ADGRV1: variants seen among roughly 807,000 people sequenced by gnomAD.
ADGRV1 encodes the protein adhesion G protein-coupled receptor V1, also known as G-protein coupled receptor 98.
ADGRV1 carries 359 observed loss-of-function variants against 596.2 expected under a neutral mutation model. The observed-to-expected ratio is 0.60, with a 90% confidence interval of 0.55 to 0.66. The LOEUF (loss-of-function observed/expected upper bound fraction) is 0.66, where lower values mean the gene tolerates loss of function less well. Among genes scored for constraint, ADGRV1 ranks in the 30% least tolerant of loss-of-function variants. ADGRV1 has a pLI of 0.00. For synonymous variants in ADGRV1, 2,681 were observed against 2,679.2 expected (o/e 1.00, Z -0.02); for missense variants, 7,274 against 7,575.6 (o/e 0.96, Z 1.48).
intron 50 of ADGRV1, among the ~76,000 whole-genome samples, chr5:90,733,671 A>G (rs1752837517): frequency 6.6e-6 from 1 of 152,168 alleles, no homozygotes; most frequent in South Asian, 2.1e-4. Flanking sequence ...TTAATTTACA[A>G]GTTATAATTA....
At chr5:91,018,979 T>C (rs1311285651) in intron 85 of ADGRV1, among the ~76,000 whole-genome samples, 1 of 151,980 alleles carries the variant, frequency 6.6e-6, no homozygotes, top group African/African-American at 2.4e-5. Context: ...GGCAACATAA[T>C]GGCTGGTGGC....
chr5:90,837,748 C>T (rs781508212), intron 77 of ADGRV1, among the ~76,000 whole-genome samples: 7 of 151,846 alleles, frequency 4.6e-5, no homozygotes, highest in South Asian at 2.1e-4. Context: ...ATAAATCCTG[C>T]GAAAAAACAG....
At chr5:90,746,466 A>G (rs779252307) in intron 52 of ADGRV1, among the ~76,000 whole-genome samples, 8 of 152,168 alleles carry the variant, frequency 5.3e-5, no homozygotes, top group Admixed American at 3.3e-4. Context: ...GCTATCATGT[A>G]TCTTTCTCTG....
intron 79 of ADGRV1, 100 bp from the exon 80 acceptor site, chr5:90,853,184 G>A: frequency 8.8e-7 from 1 of 1,139,686 alleles, no homozygotes; most frequent in Non-Finnish European, 1.2e-6. Flanking sequence ...TGTTATACAT[G>A]AAGAATAGAA....
At position 90,940,168 on chromosome 5, in the gene ADGRV1, G is replaced by T. The variant is rs147242843; in HGVS notation, c.17857-25247G>T. 7.2e-5 allele frequency among the ~76,000 whole-genome samples: 11 copies of T among 152,322 alleles called. No individual in the cohort carries two copies. In the East Asian group the frequency reaches 1.5e-3, roughly 21 times the overall value. The stretch of plus-strand genomic sequence containing the variant: ...AAGAACTGCAGTTATTTCAGGCTAA[G>T]AATCTACCTCCCCTCACTGACTGTC... On this transcript the variant is annotated intron_variant, in intron 83 of 89. Transcript: ENST00000405460.
Position 90,596,808 on chromosome 5 carries a change from A to AGAGGGC in ADGRV1, c.23-18015_23-18010dup, listed in dbSNP as rs921379773. ...AGAGAGGGAGAGGGAGACCATGGGG[A>AGAGGGC]GAGGGCGAGGGCGAGGGAGAGGGCG... On this transcript the variant is annotated intron_variant, in intron 1 of 89. Transcript: ENST00000405460. Among the ~76,000 whole-genome samples the AGAGGGC allele has an allele frequency of 4.6e-5, 7 of 151,634 alleles. No individual in the cohort carries two copies. In the East Asian group the frequency reaches 5.8e-4, roughly 13 times the overall value.
chr5:90,618,065 T>C (rs1006418897), intron 3 of ADGRV1, 112 bp downstream of exon 3: 14 of 706,320 alleles, frequency 2.0e-5, no homozygotes, highest in Non-Finnish European at 3.1e-5. Context: ...TTCAGATAAC[T>C]GGTGGTGGTA....
chr5:90,580,260 T>C (rs1757828974), intron 1 of ADGRV1, among the ~76,000 whole-genome samples: 1 of 152,222 alleles, frequency 6.6e-6, no homozygotes, highest in Non-Finnish European at 1.5e-5. Flanking sequence ...CGATTGTTCC[T>C]TTCCATGTTT....
intron 1 of ADGRV1, among the ~76,000 whole-genome samples, chr5:90,609,646 G>T (rs932086738): frequency 6.6e-6 from 1 of 151,874 alleles, no homozygotes; most frequent in African/African-American, 2.4e-5. Context: ...GTTTTAGAAT[G>T]CCCCTTAGTA....
chr5:90,881,401 A>G (rs551232968), intron 83 of ADGRV1, among the ~76,000 whole-genome samples: 3 of 152,340 alleles, frequency 2.0e-5, no homozygotes, highest in Admixed American at 2.0e-4. Context: ...GGGTCTAATT[A>G]TTGGACTGTT....
At chr5:90,717,003 T>TA (rs1367663540) in intron 43 of ADGRV1, 1 of 236,336 alleles carries the variant, frequency 4.2e-6, no homozygotes, top group African/African-American at 2.2e-5. Flanking sequence ...TCAGCACATT[T>TA]AAATTGCATA....
intron 6 of ADGRV1, 104 bp from the exon 7 acceptor site, chr5:90,627,107 A>T (rs1764864839): frequency 3.3e-6 from 2 of 597,756 alleles, no homozygotes; most frequent in Admixed American, 7.1e-5. Context: ...AAGAATTTTT[A>T]TTTCTATGTA....
chr5:91,070,906 T>G (rs1279026758), intron 85 of ADGRV1, among the ~76,000 whole-genome samples: 1 of 152,090 alleles, frequency 6.6e-6, no homozygotes, highest in Non-Finnish European at 1.5e-5. Flanking sequence ...AAAACAAGAT[T>G]GTGGAGATGA....
At position 90,672,634 on chromosome 5, in the gene ADGRV1, A is replaced by G; in HGVS notation, c.4841A>G (p.Gln1614Arg). The change falls in exon 22 of 90, where the codon CAG (glutamine) becomes CGG (arginine). Residue 1614 changes from glutamine to arginine, a missense_variant. Gln to Arg is a conservative substitution (Grantham distance 43, BLOSUM62 1). Around this residue, in one of 5 missense-constraint regions of ADGRV1, gnomAD observed 3,643 missense variants for 3,809.2 expected, o/e 0.96. Coordinates refer to ENST00000405460, the MANE Select transcript of ADGRV1 (RefSeq NM_032119.4). ...GTGCATGTTTTTTACACCATTTCAC[A>G]GATTGAAACTGATGGCATTAATTAC... ...DYVHVFYTIS[Q>R]IETDGINYLV... is the part of the protein sequence containing the mutation. 1 of 1,613,700 alleles carries G rather than the reference A, an allele frequency of 6.2e-7. No homozygotes were observed. Among genetic ancestry groups the G allele is most frequent in the East Asian group, 2.2e-5 (1 of 44,868 alleles).
At chr5:90,667,168 A>G (rs914921783) in intron 21 of ADGRV1, among the ~76,000 whole-genome samples, 82 of 146,550 alleles carry the variant, frequency 5.6e-4, no homozygotes, top group Non-Finnish European at 8.5e-4. Flanking sequence ...GCCTTGCTAG[A>G]TTGGGGAAGT....
intron 83 of ADGRV1, among the ~76,000 whole-genome samples, chr5:90,902,209 C>T (rs886587276): frequency 6.6e-6 from 1 of 152,112 alleles, no homozygotes; most frequent in Non-Finnish European, 1.5e-5. Context: ...TTATTTCTAC[C>T]TTTAAGAAAT....
chr5:91,091,989 G>A (rs571458541), intron 86 of ADGRV1, among the ~76,000 whole-genome samples: 1 of 152,300 alleles, frequency 6.6e-6, no homozygotes, highest in South Asian at 2.1e-4. Context: ...ACCCAGTCAA[G>A]TTGACCCATA....
At chr5:91,070,586 G>GT (rs1371895677) in intron 85 of ADGRV1, among the ~76,000 whole-genome samples, 1 of 152,180 alleles carries the variant, frequency 6.6e-6, no homozygotes, top group African/African-American at 2.4e-5. Flanking sequence ...TTGAGAACCT[G>GT]TTTAACGTTC....
intron 87 of ADGRV1, among the ~76,000 whole-genome samples, chr5:91,131,011 A>G (rs757106054): frequency 4.6e-5 from 7 of 152,202 alleles, no homozygotes; most frequent in Non-Finnish European, 7.3e-5. Context: ...TTCTTATCCA[A>G]TCCACCATTG....
Sources: allele counts gnomAD v4.1 joint callset (sites outside exome capture counted in the v4.1 genomes callset), GRCh38; gene constraint gnomAD v4.1.1; regional missense constraint gnomAD v4.1.1; transcripts MANE v1.5; gene names NCBI Gene and HGNC (gene_info 2026-07-23, HGNC 2026-07-21).